ZFAND3: variants seen among roughly 807,000 people sequenced by gnomAD.
The protein encoded by ZFAND3 is AN1-type zinc finger protein 3.
ZFAND3 carries 10 observed loss-of-function variants against 29.6 expected under a neutral mutation model. The observed-to-expected ratio is 0.34, with a 90% CI of 0.21 to 0.57. The LOEUF (loss-of-function observed/expected upper bound fraction) is 0.57. ZFAND3 is among the 20% of genes least tolerant of loss of function. The pLI is 0.86. For missense variants in ZFAND3, 230 were observed against 304.5 expected (o/e 0.76, Z 1.82); for synonymous variants, 128 against 112.6 (o/e 1.14, Z -0.87).
At chr6:38,018,573 C>A (rs1228583587) in intron 2 of ZFAND3, among the ~76,000 whole-genome samples, 1 of 152,002 alleles carries the variant, frequency 6.6e-6, no homozygotes, top group Non-Finnish European at 1.5e-5. Flanking sequence ...TCTGCTGTGC[C>A]CTTTTCTTTC....
intron 2 of ZFAND3, among the ~76,000 whole-genome samples, chr6:38,041,653 T>TTCCTCC (rs780269658): frequency 4.4e-5 from 1 of 22,548 alleles, no homozygotes; most frequent in African/African-American, 1.7e-4. Flanking sequence ...CTTCTTCTTC[T>TTCCTCC]TCTTCTTCTT....
intron 3 of ZFAND3, among the ~76,000 whole-genome samples, chr6:38,064,160 C>A (rs1764297082): frequency 6.6e-6 from 1 of 152,138 alleles, no homozygotes; most frequent in South Asian, 2.1e-4. Flanking sequence ...TTAAGAACTC[C>A]TGGTCTAAGG....
intron 5 of ZFAND3, among the ~76,000 whole-genome samples, chr6:38,137,571 T>C (rs992595428): frequency 6.6e-6 from 1 of 152,196 alleles, no homozygotes; most frequent in Non-Finnish European, 1.5e-5. Flanking sequence ...TCTTGGTGCT[T>C]TTATTCTTTA....
chr6:37,961,066 C>G (rs1040761916), intron 2 of ZFAND3, among the ~76,000 whole-genome samples: 4 of 152,044 alleles, frequency 2.6e-5, no homozygotes, highest in African/African-American at 9.7e-5. Flanking sequence ...AGAGCGAGAC[C>G]CTGTTTCAAA....
intron 5 of ZFAND3, among the ~76,000 whole-genome samples, chr6:38,140,978 C>T (rs1382226008): frequency 7.5e-6 from 1 of 133,818 alleles, no homozygotes; most frequent in Non-Finnish European, 1.6e-5. Flanking sequence ...TCTCTGCCCG[C>T]CCCCACCCCC....
At chr6:38,051,428 G>A (rs989508976) in intron 2 of ZFAND3, among the ~76,000 whole-genome samples, 2 of 152,152 alleles carry the variant, frequency 1.3e-5, no homozygotes, top group African/African-American at 4.8e-5. Context: ...TAAAGCCTTA[G>A]GTCTGGGGTA....
chr6:38,059,412 A>G (rs369413344), intron 2 of ZFAND3, among the ~76,000 whole-genome samples: 1 of 151,992 alleles, frequency 6.6e-6, no homozygotes, highest in African/African-American at 2.4e-5. Context: ...TTTTTCTATT[A>G]TACTTGTAGC....
Position 38,028,907 on chromosome 6 carries a change from A to AT in ZFAND3, c.113-32680dup, listed in dbSNP as rs1359000550. 2.6e-5 allele frequency among the ~76,000 whole-genome samples: 4 copies of AT among 152,202 alleles called. No individual in the cohort carries two copies. In the South Asian group the frequency reaches 6.2e-4, roughly 24 times the overall value. On this transcript the variant is annotated intron_variant, in intron 2 of 5. Transcript: ENST00000287218. ...AATAGTCCATTCCAAATCAAGCTCT[A>AT]TTTTTTGCTTGTAAGAAATTGTTTT...
At chr6:38,147,241 A>T (rs1446725099) in intron 5 of ZFAND3, among the ~76,000 whole-genome samples, 2 of 152,114 alleles carry the variant, frequency 1.3e-5, no homozygotes, top group Non-Finnish European at 2.9e-5. Flanking sequence ...AGAACATGGG[A>T]TATTTGCCTT....
intron 2 of ZFAND3, among the ~76,000 whole-genome samples, chr6:37,979,310 G>A (rs772888009): frequency 5.3e-5 from 8 of 152,054 alleles, no homozygotes; most frequent in Non-Finnish European, 1.0e-4. Context: ...TTTTCATGGT[G>A]GGTCAAGTTT....
rs140027308 is a variant in ZFAND3 at position 38,131,406 on chromosome 6, T to C, written c.529+14667T>C. ...AGCCCAGCGCTTTAGAGTCCTTCTT[T>C]AGAAGGTAAAAACGCAGTTCTTTAA... On this transcript the variant is annotated intron_variant, in intron 5 of 5. Transcript: ENST00000287218. 8.7e-4 allele frequency among the ~76,000 whole-genome samples: 133 copies of C among 152,360 alleles called. No homozygotes were observed. In the Middle Eastern group the frequency reaches 0.01, roughly 12 times the overall value.
chr6:38,085,793 G>A (rs1171782656), intron 4 of ZFAND3, among the ~76,000 whole-genome samples: 1 of 151,984 alleles, frequency 6.6e-6, no homozygotes, highest in African/African-American at 2.4e-5. Context: ...ACATATTAAA[G>A]GTACATGGCC....
At chr6:37,931,759 T>C in intron 2 of ZFAND3, among the ~76,000 whole-genome samples, 1 of 152,100 alleles carries the variant, frequency 6.6e-6, no homozygotes, top group Middle Eastern at 3.2e-3. Context: ...TTAATTTTAA[T>C]CTATTCATTA....
chr6:37,830,681 C>G (rs76434832), intron 1 of ZFAND3, among the ~76,000 whole-genome samples: 112 of 152,252 alleles, frequency 7.4e-4, no homozygotes, highest in Non-Finnish European at 1.3e-3. Context: ...CTCAACCTAC[C>G]TTTCTTTTAT....
At chr6:38,081,312 G>C (rs1047828296) in intron 3 of ZFAND3, among the ~76,000 whole-genome samples, 1 of 152,000 alleles carries the variant, frequency 6.6e-6, no homozygotes, top group Non-Finnish European at 1.5e-5. Context: ...CTCACTAAGG[G>C]TTGTTGCTGT....
At chr6:37,957,891 T>G (rs1762111349) in intron 2 of ZFAND3, among the ~76,000 whole-genome samples, 1 of 152,196 alleles carries the variant, frequency 6.6e-6, no homozygotes, top group African/African-American at 2.4e-5. Flanking sequence ...TCCAATATGC[T>G]GTGTGTGTGA....
chr6:38,116,529 G>A (rs1475519938), intron 4 of ZFAND3, 43 bp from the exon 5 acceptor site: 8 of 1,573,606 alleles, frequency 5.1e-6, no homozygotes, highest in Admixed American at 1.7e-5. Flanking sequence ...TGCTTGCCAG[G>A]CCAGGCACTA....
intron 4 of ZFAND3, among the ~76,000 whole-genome samples, chr6:38,099,059 C>A (rs528456522): frequency 1.1e-3 from 173 of 152,098 alleles, no homozygotes; most frequent in Admixed American, 2.6e-3. Context: ...CATAAATATT[C>A]CTATTTCCTG....
At chr6:37,912,735 T>G (rs1220094526) in intron 1 of ZFAND3, among the ~76,000 whole-genome samples, 1 of 152,168 alleles carries the variant, frequency 6.6e-6, no homozygotes, top group Admixed American at 6.5e-5. Context: ...CAGAAAGAAA[T>G]GTTCTGAGTG....
Sources: gnomAD v4.1 joint callset for allele counts (sites outside exome capture counted in the v4.1 genomes callset) on GRCh38, gnomAD v4.1.1 for gene constraint, MANE v1.5 for transcripts, NCBI Gene and HGNC (gene_info 2026-07-23, HGNC 2026-07-21) for gene names.